Variants in CEP290 observed in about 807,000 individuals in gnomAD.
CEP290 encodes centrosomal protein of 290 kDa.
In CEP290, 317 loss-of-function variants were observed where a neutral mutation model predicts 344.9. The ratio of observed to expected loss-of-function variants is 0.92; its 90% CI spans 0.84 to 1.01. The LOEUF is 1.01. CEP290 is among the 50% of genes least tolerant of loss of function. The pLI, the probability that CEP290 is intolerant of heterozygous loss-of-function variation, is 0.00. For missense variants in CEP290, 2,754 were observed against 2,761.4 expected (o/e 1.00, Z 0.06); for synonymous variants, 932 against 895.8 (o/e 1.04, Z -0.72).
chr12:88,100,116 C>G (rs2037760439), intron 26 of CEP290, among the ~76,000 whole-genome samples: 1 of 151,936 alleles, frequency 6.6e-6, no homozygotes, highest in African/African-American at 2.4e-5. Context: ...CCTGTCTCTA[C>G]TAAATTAGCC....
At chr12:88,052,771 AAGTGTT>A (rs546366466) in intron 52 of CEP290, among the ~76,000 whole-genome samples, 16 of 152,196 alleles carry the variant, frequency 1.1e-4, no homozygotes, top group Non-Finnish European at 1.6e-4. Flanking sequence ...CAAGATTCAG[AAGTGTT>A]ACATGACTCT....
chr12:88,065,594 C>T (rs1239886802), intron 44 of CEP290, among the ~76,000 whole-genome samples: 4 of 152,140 alleles, frequency 2.6e-5, no homozygotes, highest in Admixed American at 1.3e-4. Context: ...TGTCCCTGAG[C>T]TCTTCTATCT....
chr12:88,119,035 A>G (rs1024024853), intron 15 of CEP290, among the ~76,000 whole-genome samples: 5 of 152,312 alleles, frequency 3.3e-5, no homozygotes, highest in Middle Eastern at 3.4e-3. Flanking sequence ...ACGGGCCAGA[A>G]GTCATCTTTA....
intron 4 of CEP290, 24 bp from the exon 5 acceptor site, chr12:88,139,215 A>T: frequency 9.7e-7 from 1 of 1,031,128 alleles, no homozygotes; most frequent in East Asian, 2.8e-5. Flanking sequence ...AAAAAAGAAA[A>T]ACGTTTTAAT....
Position 88,114,455 on chromosome 12 carries a change from A to G in CEP290, c.2017T>C (p.Ser673Pro). Residue 673 changes from serine (S) to proline (P), a missense_variant, in exon 20 of 54, where the codon TCT becomes CCT. Coordinates refer to ENST00000552810, the MANE Select transcript of CEP290 (RefSeq NM_025114.4). ...CTTTCAAGGCTAGGGATAATTAGAGATGTTTCTCCTCCTTTAACATCAGGA... is the reference window on the plus strand; with the variant it reads ...CTTTCAAGGCTAGGGATAATTAGAGGTGTTTCTCCTCCTTTAACATCAGGA... ...KDPDVKGGET[S>P]LIIPSLERLV... 1 of 1,547,308 alleles carries G rather than the reference A, an allele frequency of 6.5e-7. No individual in the cohort carries two copies. The highest frequency in any genetic ancestry group is 8.7e-7 in the Non-Finnish European group (1 of 1,145,416).
intron 25 of CEP290, among the ~76,000 whole-genome samples, chr12:88,104,394 A>C (rs939903030): frequency 6.6e-6 from 1 of 152,120 alleles, no homozygotes; most frequent in Non-Finnish European, 1.5e-5. Context: ...AGAAGGGTAT[A>C]CATGTCATGT....
Position 88,093,767 on chromosome 12 carries a change from A to G in CEP290, c.3309+3T>C, listed in dbSNP as rs937435937. On this transcript the variant is annotated splice_donor_region_variant and intron_variant, in intron 28 of 53. Coordinates refer to ENST00000552810, the MANE Select transcript of CEP290 (RefSeq NM_025114.4). ...TTGTATGATAAAACTTATAATATCA[A>G]ACCTCAGCAAATTTGGTTTCCAATT... 6.3e-7 allele frequency: 1 copy of G among 1,593,144 alleles called. No homozygotes were observed. The highest frequency in any genetic ancestry group is 1.3e-5 in the African/African-American group (1 of 74,580).
Position 88,083,959 on chromosome 12 carries a change from T to C in CEP290, c.4705-5A>G. On this transcript the variant is annotated splice_polypyrimidine_tract_variant and splice_region_variant and intron_variant, in intron 35 of 53. Transcript: ENST00000552810. ...CTTCACAATTTCTCTTTGCTCCTGT[T>C]TTACAGAAAATCGAAACTATATCTT... The C allele has an allele frequency of 1.9e-6, 3 of 1,557,098 alleles. No individual in the cohort carries two copies. Among genetic ancestry groups the C allele is most frequent in the Non-Finnish European group, 2.6e-6 (3 of 1,141,630 alleles).
intron 3 of CEP290, among the ~76,000 whole-genome samples, chr12:88,140,385 T>A (rs1001816933): frequency 2.0e-5 from 3 of 152,216 alleles, no homozygotes; most frequent in African/African-American, 7.2e-5. Flanking sequence ...GCTGATAGCA[T>A]AAAATACACC....
chr12:88,121,963 A>C (rs1190040001), intron 13 of CEP290, among the ~76,000 whole-genome samples: 1 of 152,200 alleles, frequency 6.6e-6, no homozygotes, highest in East Asian at 1.9e-4. Flanking sequence ...TATCTTACTA[A>C]ATTGTTAAAA....
At chr12:88,086,800 C>T (rs961839968) in intron 32 of CEP290, among the ~76,000 whole-genome samples, 1 of 152,098 alleles carries the variant, frequency 6.6e-6, no homozygotes, top group African/African-American at 2.4e-5. Context: ...CTAGGAAATA[C>T]AAACATGGCA....
Position 88,111,676 on chromosome 12 carries a change from A to G in CEP290, c.2217+18T>C. ...ATTCTTATGTTTAGCATTTTCTTTT[A>G]TTTAATAAAATTCTCACCTTTAAAT... On this transcript the variant is annotated intron_variant, in intron 21 of 53. Transcript: ENST00000552810. 6.5e-7 allele frequency: 1 copy of G among 1,541,840 alleles called. No individual in the cohort carries two copies. The highest frequency in any genetic ancestry group is 8.7e-7 in the Non-Finnish European group (1 of 1,151,932).
rs2036105880 is a variant in CEP290 at position 88,080,321 on chromosome 12, T to G, written c.5087A>C (p.Gln1696Pro). The G allele has an allele frequency of 1.2e-6, 2 of 1,613,782 alleles. No individual in the cohort carries two copies. Among genetic ancestry groups the G allele is most frequent in the African/African-American group, 2.7e-5 (2 of 74,944 alleles). Residue 1696 changes from glutamine to proline, a missense_variant, in exon 38 of 54, where the codon CAG (glutamine) becomes CCG (proline). By Grantham distance (76) the Gln-to-Pro change is moderately conservative (BLOSUM62 -1). Transcript: ENST00000552810. ...TAAACACTGTGACTCCTTTTGTGAC[T>G]GGTCCAGAAGATACTTTAAATCCTC... The part of the protein sequence containing the change: ...EVEDLKYLLD[Q>P]SQKESQCLKS...
At position 88,125,379 on chromosome 12, in the gene CEP290, A is replaced by G; in HGVS notation, c.1066-10T>C. 8.0e-7 allele frequency: 1 copy of G among 1,248,380 alleles called. No individual in the cohort carries two copies. The highest frequency in any genetic ancestry group is 3.1e-5 in the East Asian group (1 of 32,072). 77.3% of individuals were successfully genotyped at this position (1,248,380 alleles called of 1,614,324 possible). A position where few individuals can be genotyped will look rare whatever the true frequency, so the allele number is the denominator to read the frequency against. Reference sequence around the variant, plus strand: ...CTCGTTCCTGTATACCCTATAAAATATTTTAAAACAATATATATCCCTTCA... The same window carrying G: ...CTCGTTCCTGTATACCCTATAAAATGTTTTAAAACAATATATATCCCTTCA... On this transcript the variant is annotated splice_polypyrimidine_tract_variant and intron_variant, in intron 12 of 53. Transcript: ENST00000552810.
At chr12:88,079,916 G>A (rs2036066663) in intron 38 of CEP290, among the ~76,000 whole-genome samples, 2 of 151,936 alleles carry the variant, frequency 1.3e-5, no homozygotes, top group South Asian at 4.1e-4. Flanking sequence ...TTATATTTTT[G>A]TAATGTACAT....
chr12:88,107,629 A>T (rs1294140278), intron 23 of CEP290, among the ~76,000 whole-genome samples: 2 of 151,750 alleles, frequency 1.3e-5, no homozygotes, highest in Non-Finnish European at 2.9e-5. Context: ...AAAAAAAATA[A>T]GAAGAAGTAT....
intron 51 of CEP290, 50 bp downstream of exon 51, chr12:88,054,289 AT>A (rs201140440): frequency 1.9e-3 from 2,229 of 1,154,320 alleles, no homozygotes; most frequent in Non-Finnish European, 2.1e-3. Flanking sequence ...AAAACTAATA[AT>A]TTTTTTTTTA....
chr12:88,073,547 G>T (rs1256757294), intron 41 of CEP290, among the ~76,000 whole-genome samples: 1 of 152,070 alleles, frequency 6.6e-6, no homozygotes, highest in Non-Finnish European at 1.5e-5. Context: ...TGTTAACTAT[G>T]CATTTCAATT....
At chr12:88,140,014 C>T (rs2040555932) in intron 3 of CEP290, among the ~76,000 whole-genome samples, 1 of 152,132 alleles carries the variant, frequency 6.6e-6, no homozygotes, top group Non-Finnish European at 1.5e-5. Flanking sequence ...CCTTGGCCTC[C>T]CAAAGTGCTG....
Sources: allele counts gnomAD v4.1 joint callset (sites outside exome capture counted in the v4.1 genomes callset), GRCh38; gene constraint gnomAD v4.1.1; transcripts MANE v1.5; gene names NCBI Gene and HGNC (gene_info 2026-07-23, HGNC 2026-07-21).